The following PCDHA1 variants were observed in gnomAD, a reference collection of about 807,000 sequenced individuals.
The protein encoded by PCDHA1 is protocadherin alpha-1.
PCDHA1 carries 42 observed loss-of-function variants against 61.3 expected under a neutral mutation model. That is an observed-to-expected ratio of 0.69 (90% CI 0.54 to 0.89). The LOEUF is 0.89. Among genes scored for constraint, PCDHA1 ranks in the 40% least tolerant of loss-of-function variants. PCDHA1 has a pLI of 0.00. For synonymous variants in PCDHA1, 610 were observed against 553.8 expected (o/e 1.10, Z -1.43); for missense variants, 1,256 against 1,235.3 (o/e 1.02, Z -0.25).
chr5:140,928,185 C>T (rs371901224), intron 1 of PCDHA1: 1 of 1,614,064 alleles, frequency 6.2e-7, no homozygotes, highest in Non-Finnish European at 8.5e-7. Flanking sequence ...GAAGGACAAT[C>T]ACTGTGTCAG....
At chr5:140,869,928 A>G (rs1554163617) in intron 1 of PCDHA1, 1 of 1,611,726 alleles carries the variant, frequency 6.2e-7, no homozygotes, top group Middle Eastern at 1.6e-4. Context: ...GAGTCAATGG[A>G]GAGGTAACAT....
chr5:140,851,076 A>C (rs782314087), intron 1 of PCDHA1: 1 of 1,337,516 alleles, frequency 7.5e-7, no homozygotes, highest in Non-Finnish European at 9.8e-7. Flanking sequence ...AGAATTATAA[A>C]CTGTATATTA....
At chr5:140,876,861 C>T (rs2056651575) in intron 1 of PCDHA1, 6 of 1,613,970 alleles carry the variant, frequency 3.7e-6, no homozygotes, top group African/African-American at 1.3e-5. Context: ...ACACAGTGTT[C>T]GTGAAGGAGA....
intron 1 of PCDHA1, chr5:140,797,559 A>G (rs1343145417): frequency 2.9e-6 from 2 of 699,328 alleles, no homozygotes; most frequent in Non-Finnish European, 4.7e-6. Flanking sequence ...TTATTTTTAC[A>G]TTTTGGCACT....
chr5:140,868,999 T>A (rs976594778), intron 1 of PCDHA1: 72 of 1,518,578 alleles, frequency 4.7e-5, no homozygotes, highest in African/African-American at 4.5e-4. Flanking sequence ...CGTTTAAGGA[T>A]CCTTTGAAAC....
intron 1 of PCDHA1, chr5:140,801,198 A>G (rs1253970069): frequency 2.5e-6 from 4 of 1,594,388 alleles, no homozygotes; most frequent in Non-Finnish European, 3.4e-6. Context: ...AATACTTGCA[A>G]TGTTGTTCTC....
intron 1 of PCDHA1, chr5:140,814,309 C>G (rs1765483088): frequency 6.6e-6 from 1 of 152,072 alleles, no homozygotes; most frequent in Non-Finnish European, 1.5e-5. Flanking sequence ...TCATTGTCTT[C>G]CACCTCCATA....
intron 1 of PCDHA1, among the ~76,000 whole-genome samples, chr5:140,977,103 G>A (rs1159604551): frequency 6.6e-6 from 1 of 152,230 alleles, no homozygotes; most frequent in Non-Finnish European, 1.5e-5. Context: ...TTGGGGAAGT[G>A]AGATTGTATA....
At chr5:140,977,671 A>G (rs2096770792) in intron 1 of PCDHA1, among the ~76,000 whole-genome samples, 1 of 152,178 alleles carries the variant, frequency 6.6e-6, no homozygotes, top group South Asian at 2.1e-4. Flanking sequence ...CTGCATGCCA[A>G]ATATCATGTA....
At chr5:140,826,012 A>G (rs1554130428) in intron 1 of PCDHA1, among the ~76,000 whole-genome samples, 3 of 152,212 alleles carry the variant, frequency 2.0e-5, no homozygotes, top group Non-Finnish European at 4.4e-5. Context: ...CACACTTTAC[A>G]TGATAAAATG....
chr5:140,942,429 A>C (rs543442477), intron 1 of PCDHA1, among the ~76,000 whole-genome samples: 1 of 152,226 alleles, frequency 6.6e-6, no homozygotes, highest in Admixed American at 6.5e-5. Context: ...AAAGATATCT[A>C]ACAATAAACA....
intron 1 of PCDHA1, chr5:140,858,620 C>G: frequency 1.8e-6 from 2 of 1,142,316 alleles, no homozygotes; most frequent in East Asian, 5.1e-5. Flanking sequence ...TTATCCTACC[C>G]AGTGTGTCAG....
intron 3 of PCDHA1, among the ~76,000 whole-genome samples, chr5:140,991,204 A>C (rs1416431011): frequency 6.6e-6 from 1 of 152,198 alleles, no homozygotes; most frequent in East Asian, 1.9e-4. Flanking sequence ...ATGCTCAATA[A>C]ATTTTGTTAA....
At chr5:140,829,409 A>C (rs2150167358) in intron 1 of PCDHA1, 48 of 1,614,026 alleles carry the variant, frequency 3.0e-5, no homozygotes, top group Non-Finnish European at 4.0e-5. Flanking sequence ...GGCCACCGCC[A>C]GCTTGTCTGT....
At chr5:140,971,181 C>T (rs1364149664) in intron 1 of PCDHA1, among the ~76,000 whole-genome samples, 1 of 152,104 alleles carries the variant, frequency 6.6e-6, no homozygotes, top group Non-Finnish European at 1.5e-5. Context: ...AGCTGTAAGC[C>T]GGAAGCTCAG....
chr5:140,907,066 G>A (rs748785005), intron 1 of PCDHA1, among the ~76,000 whole-genome samples: 6 of 152,096 alleles, frequency 3.9e-5, no homozygotes, highest in Non-Finnish European at 8.8e-5. Context: ...TTTACTAGTG[G>A]GTCACTAGGG....
chr5:140,854,474 G>A (rs2043136313), intron 1 of PCDHA1: 1 of 149,900 alleles, frequency 6.7e-6, no homozygotes, highest in Non-Finnish European at 1.5e-5. Context: ...GAGTAGAGAA[G>A]TATAGAAACA....
At chr5:140,964,199 A>C (rs1183847716) in intron 1 of PCDHA1, among the ~76,000 whole-genome samples, 1 of 152,240 alleles carries the variant, frequency 6.6e-6, no homozygotes, top group Admixed American at 6.5e-5. Context: ...AGAGTATACC[A>C]TCTCTTTAGT....
At chr5:140,829,025 C>T in intron 1 of PCDHA1, 2 of 1,613,002 alleles carry the variant, frequency 1.2e-6, no homozygotes, top group Non-Finnish European at 1.7e-6. Context: ...GGATTTTGAA[C>T]AAGAAAACTT....
Sources: gnomAD v4.1 joint callset for allele counts (sites outside exome capture counted in the v4.1 genomes callset) on GRCh38, gnomAD v4.1.1 for gene constraint, MANE v1.5 for transcripts, NCBI Gene and HGNC (gene_info 2026-07-23, HGNC 2026-07-21) for gene names.